Variants in TCERG1L observed in about 807,000 individuals in gnomAD.
TCERG1L encodes transcription elongation regulator 1-like protein.
A neutral mutation model predicts 56.3 loss-of-function variants in TCERG1L; 37 were observed. The observed-to-expected ratio is 0.66, with a 90% CI of 0.51 to 0.87. The LOEUF (loss-of-function observed/expected upper bound fraction) is 0.87. Ranked by LOEUF, TCERG1L falls within the 40% of genes least tolerant of loss-of-function variation. The probability of loss-of-function intolerance (pLI) is 0.00; values close to 1 mark genes in which losing one functional copy is unlikely to be tolerated. For missense variants in TCERG1L, 799 were observed against 774.2 expected, an observed-to-expected ratio of 1.03 and a Z score of -0.38; for synonymous variants, 324 against 326.3, an observed-to-expected ratio of 0.99 and a Z score of 0.08.
At chr10:131,102,325 G>A (rs545077083) in intron 10 of TCERG1L, among the ~76,000 whole-genome samples, 3 of 152,190 alleles carry the variant, frequency 2.0e-5, no homozygotes, top group Non-Finnish European at 2.9e-5. Flanking sequence ...TCCAGGGAGA[G>A]GGTCCAGTTC....
At chr10:131,141,774 ATCTC>A (rs1764658276) in intron 7 of TCERG1L, among the ~76,000 whole-genome samples, 2 of 152,066 alleles carry the variant, frequency 1.3e-5, no homozygotes, top group African/African-American at 4.8e-5. Context: ...CTATTCTAGC[ATCTC>A]TCTTTCTCCA....
intron 6 of TCERG1L, among the ~76,000 whole-genome samples, chr10:131,158,046 T>G (rs1338013918): frequency 6.6e-6 from 1 of 152,232 alleles, no homozygotes; most frequent in East Asian, 1.9e-4. Context: ...CATTAATGCT[T>G]TCAAGGAGGC....
At position 131,217,708 on chromosome 10, in the gene TCERG1L, C is replaced by CT. The variant is rs534101797; in HGVS notation, c.856+42550dup. Among the ~76,000 whole-genome samples the CT allele has an allele frequency of 3.6e-3, 281 of 79,104 alleles. 9 individuals are homozygous for CT. Among genetic ancestry groups the CT allele is most frequent in the South Asian group, 5.9e-3 (10 of 1,702 alleles). The allele number at this position is 79,104 out of a possible 152,430, so 51.9% of individuals were successfully genotyped here. A position where few individuals can be genotyped will look rare whatever the true frequency, so the allele number is the denominator to read the frequency against. ...AATCTGACCCTACACAGTAGCTGCC[C>CT]TTTTTTTTTTTTTTTTTTTTTTTTT... On this transcript the variant is annotated intron_variant, in intron 4 of 11. Transcript: ENST00000368642.
intron 4 of TCERG1L, among the ~76,000 whole-genome samples, chr10:131,245,161 T>G (rs982550088): frequency 6.6e-6 from 1 of 152,166 alleles, no homozygotes; most frequent in African/African-American, 2.4e-5. Context: ...AAAGGTCTCA[T>G]TGGTACTGCT....
At chr10:131,219,114 C>T (rs1040853106) in intron 4 of TCERG1L, among the ~76,000 whole-genome samples, 22 of 152,270 alleles carry the variant, frequency 1.4e-4, no homozygotes, top group Middle Eastern at 6.8e-3. Context: ...CCTGGCTCTG[C>T]CTGCAGGCTC....
intron 4 of TCERG1L, among the ~76,000 whole-genome samples, chr10:131,190,927 T>C: frequency 6.9e-6 from 1 of 144,140 alleles, no homozygotes; most frequent in Non-Finnish European, 1.5e-5. Context: ...GAAGTTAAAC[T>C]ATCGCTGTTT....
chr10:131,214,528 T>C (rs1468931194), intron 4 of TCERG1L, among the ~76,000 whole-genome samples: 3 of 152,248 alleles, frequency 2.0e-5, no homozygotes, highest in Non-Finnish European at 2.9e-5. Flanking sequence ...ACACCTTCTA[T>C]TTTCACTGAA....
At position 131,103,718 on chromosome 10, in the gene TCERG1L, A is replaced by T. The variant is rs1297300464; in HGVS notation, c.1485+547T>A. Among the ~76,000 whole-genome samples the T allele has an allele frequency of 6.6e-6, 1 of 152,096 alleles. No homozygotes were observed. The highest frequency in any genetic ancestry group is 1.5e-5 in the Non-Finnish European group (1 of 68,020). On this transcript the variant is annotated intron_variant, in intron 10 of 11. Coordinates refer to ENST00000368642, the MANE Select transcript of TCERG1L (RefSeq NM_174937.4). This position sits in a 1 kb window ranked among gnomAD's most constrained non-coding sequence, Gnocchi z 4.3. ...ATAAAATGAAATAAAATAAAATAAAAGGTTTTGACGGCCTTGTGTGCAAGA... is the reference window on the plus strand; with the variant it reads ...ATAAAATGAAATAAAATAAAATAAATGGTTTTGACGGCCTTGTGTGCAAGA...
At chr10:131,218,506 T>C (rs1845697290) in intron 4 of TCERG1L, among the ~76,000 whole-genome samples, 1 of 152,064 alleles carries the variant, frequency 6.6e-6, no homozygotes, top group African/African-American at 2.4e-5. Context: ...TTTATTTATT[T>C]ATTTGAGACA....
intron 4 of TCERG1L, among the ~76,000 whole-genome samples, chr10:131,251,967 C>T (rs1036531284): frequency 6.6e-6 from 1 of 152,182 alleles, no homozygotes; most frequent in Admixed American, 6.5e-5. Context: ...CTGGCAAGCA[C>T]CCTTCTACTA....
rs1215618103 is a variant in TCERG1L at position 131,163,806 on chromosome 10, CAGTT to C, written c.946-600_946-597del. The stretch of plus-strand genomic sequence containing the variant: ...TGGGGATGATTCTGATTCTGACACT[CAGTT>C]GGTCCACATTTCCATTAAGAAATAA... On this transcript the variant is annotated intron_variant, in intron 5 of 11. Transcript: ENST00000368642. Among the ~76,000 whole-genome samples, 8 of 152,290 alleles carry C rather than the reference CAGTT, an allele frequency of 5.3e-5. No homozygotes were observed. The South Asian group carries it at 1.2e-3, about 24-fold the overall frequency.
rs146961104 is a variant in TCERG1L at position 131,232,017 on chromosome 10, CA to C, written c.856+28241del. ...CCCCCGTTCCTCCCATCCCCCAGGC[CA>C]AAGCTTTGTCCCTTAATGCTGCAGT... On this transcript the variant is annotated intron_variant, in intron 4 of 11. Transcript: ENST00000368642. 1.7e-3 allele frequency among the ~76,000 whole-genome samples: 265 copies of C among 152,286 alleles called. 2 individuals carry two copies. Among genetic ancestry groups the C allele is most frequent in the African/African-American group, 6.1e-3 (255 of 41,568 alleles).
chr10:131,093,388 G>T, intron 11 of TCERG1L, 70 bp from the exon 12 acceptor site: 24 of 1,556,104 alleles, frequency 1.5e-5, no homozygotes, highest in Non-Finnish European at 1.9e-5. Context: ...ATCCTGCAGC[G>T]GCACCGCCTG....
chr10:131,224,648 C>G (rs1341883844), intron 4 of TCERG1L, among the ~76,000 whole-genome samples: 1 of 152,160 alleles, frequency 6.6e-6, no homozygotes, highest in Non-Finnish European at 1.5e-5. Context: ...AACTTCAAGA[C>G]CGAAGTCACG....
intron 3 of TCERG1L, among the ~76,000 whole-genome samples, chr10:131,280,665 A>G (rs775168728): frequency 2.0e-5 from 3 of 152,046 alleles, no homozygotes; most frequent in Admixed American, 6.5e-5. Flanking sequence ...TCACGTTTCA[A>G]TATGAAGCTA....
rs1180120875 is a variant in TCERG1L, at chr10:131,163,101, T to G, written c.1034+21A>C. 4.6e-6 allele frequency: 7 copies of G among 1,531,890 alleles called. No individual in the cohort carries two copies. In the African/African-American group the frequency reaches 6.9e-5, roughly 15 times the overall value. 94.9% of individuals were successfully genotyped at this position (1,531,890 alleles called of 1,614,324 possible). ...CAGACAACGCCATTGCTAGTGGCTC[T>G]CAGGCTTTGGGGTGTCTTACCAGGG... On this transcript the variant is annotated intron_variant, in intron 6 of 11. Transcript: ENST00000368642.
intron 5 of TCERG1L, among the ~76,000 whole-genome samples, chr10:131,166,240 C>T (rs1018316662): frequency 6.6e-6 from 1 of 152,152 alleles, no homozygotes; most frequent in African/African-American, 2.4e-5. Context: ...TAACTGAGTC[C>T]CACCAGCGTC....
chr10:131,107,347 A>G (rs1845362594), intron 9 of TCERG1L, among the ~76,000 whole-genome samples: 1 of 152,190 alleles, frequency 6.6e-6, no homozygotes. Context: ...TAATTTTTCA[A>G]TGAATGATGT....
chr10:131,280,321 A>G (rs1409116440), intron 3 of TCERG1L, among the ~76,000 whole-genome samples: 22 of 147,696 alleles, frequency 1.5e-4, no homozygotes, highest in Middle Eastern at 3.7e-3. Context: ...GCCCTAAGCC[A>G]TTCCCAGCTT....
Sources: gnomAD v4.1 joint callset for allele counts (sites outside exome capture counted in the v4.1 genomes callset) on GRCh38, gnomAD v4.1.1 for gene constraint, Gnocchi (gnomAD v3.1) non-coding constraint, MANE v1.5 for transcripts, NCBI Gene and HGNC (gene_info 2026-07-23, HGNC 2026-07-21) for gene names.